The following CSMD1 variants were observed in gnomAD, a reference collection of about 807,000 sequenced individuals.
CSMD1 encodes the protein CUB and sushi domain-containing protein 1.
CSMD1 carries 213 observed loss-of-function variants against 417.5 expected under a neutral mutation model. The ratio of observed to expected loss-of-function variants is 0.51; its 90% CI spans 0.46 to 0.57. The LOEUF is 0.57. CSMD1 is among the 20% of genes least tolerant of loss of function. The pLI, the probability that CSMD1 is intolerant of heterozygous loss-of-function variation, is 0.00. For synonymous variants in CSMD1, 2,862 were observed against 1,736.8 expected (o/e 1.65, Z -16.11); for missense variants, 6,923 against 4,529.7 (o/e 1.53, Z -15.17).
chr8:4,514,008 T>G (rs1410040302), intron 2 of CSMD1, among the ~76,000 whole-genome samples: 1 of 152,202 alleles, frequency 6.6e-6, no homozygotes. Flanking sequence ...TCATTTGTGT[T>G]AGTCAGCTCA....
chr8:3,304,636 CAT>C (rs1401366313), intron 25 of CSMD1, among the ~76,000 whole-genome samples: 1 of 152,062 alleles, frequency 6.6e-6, no homozygotes, highest in Non-Finnish European at 1.5e-5. Context: ...GTGTGTACCT[CAT>C]ATTGAAATAT....
At chr8:3,607,097 T>G (rs964042274) in intron 8 of CSMD1, among the ~76,000 whole-genome samples, 2 of 152,162 alleles carry the variant, frequency 1.3e-5, no homozygotes, top group African/African-American at 2.4e-5. Context: ...ACAAAAGTGT[T>G]TTTTCTTAAT....
At chr8:4,085,322 G>A (rs1366071116) in intron 3 of CSMD1, among the ~76,000 whole-genome samples, 3 of 152,076 alleles carry the variant, frequency 2.0e-5, no homozygotes, top group Non-Finnish European at 2.9e-5. Flanking sequence ...GAAGCTTCTT[G>A]GAGTAAGACA....
chr8:4,097,908 G>C (rs967283631), intron 3 of CSMD1, among the ~76,000 whole-genome samples: 1 of 152,106 alleles, frequency 6.6e-6, no homozygotes, highest in Admixed American at 6.6e-5. Flanking sequence ...ACATTTGGAA[G>C]AAAAAGAGCA....
intron 3 of CSMD1, among the ~76,000 whole-genome samples, chr8:4,100,877 C>G (rs1458979889): frequency 6.6e-6 from 1 of 152,078 alleles, no homozygotes; most frequent in Non-Finnish European, 1.5e-5. Context: ...TGTTAGAAAG[C>G]CTCCATTTAT....
intron 10 of CSMD1, among the ~76,000 whole-genome samples, chr8:3,567,592 G>T (rs923456114): frequency 6.6e-6 from 1 of 151,366 alleles, no homozygotes; most frequent in African/African-American, 2.4e-5. Flanking sequence ...GGAAGGAAAG[G>T]GAGAAAGAAA....
At chr8:3,822,395 C>T (rs1197465211) in intron 5 of CSMD1, among the ~76,000 whole-genome samples, 1 of 152,166 alleles carries the variant, frequency 6.6e-6, no homozygotes, top group Non-Finnish European at 1.5e-5. Context: ...AAAAAAGAGT[C>T]TGAAACCTTG....
At chr8:3,471,562 C>T (rs1157050263) in intron 11 of CSMD1, among the ~76,000 whole-genome samples, 5 of 141,294 alleles carry the variant, frequency 3.5e-5, no homozygotes, top group Admixed American at 7.1e-5. Context: ...CTCTCCCTCC[C>T]TCCTTCCTTC....
At chr8:3,292,678 G>C (rs1164397384) in intron 25 of CSMD1, among the ~76,000 whole-genome samples, 1 of 152,038 alleles carries the variant, frequency 6.6e-6, no homozygotes, top group Non-Finnish European at 1.5e-5. Context: ...CCATTTGCTT[G>C]GTAGATCTTC....
chr8:3,892,189 A>G (rs531797801), intron 5 of CSMD1, among the ~76,000 whole-genome samples: 1 of 152,282 alleles, frequency 6.6e-6, no homozygotes, highest in African/African-American at 2.4e-5. Context: ...CCTGCTTCCA[A>G]TGTGTAGCCC....
At chr8:4,674,924 G>A (rs369008963) in intron 1 of CSMD1, among the ~76,000 whole-genome samples, 1 of 152,180 alleles carries the variant, frequency 6.6e-6, no homozygotes, top group African/African-American at 2.4e-5. Context: ...TATAAGAAGA[G>A]ATGCTAGAGA....
intron 23 of CSMD1, among the ~76,000 whole-genome samples, chr8:3,327,834 T>TTTCTC (rs1806633214): frequency 6.6e-6 from 1 of 152,202 alleles, no homozygotes; most frequent in Non-Finnish European, 1.5e-5. Flanking sequence ...CGGGTCCTCA[T>TTTCTC]TTCTCTTCAC....
intron 12 of CSMD1, among the ~76,000 whole-genome samples, chr8:3,417,632 G>T (rs1462648185): frequency 6.6e-6 from 1 of 151,962 alleles, no homozygotes; most frequent in Non-Finnish European, 1.5e-5. Flanking sequence ...CCAGAAATCA[G>T]TACATGCTTC....
At chr8:3,577,960 A>C (rs13248860) in intron 9 of CSMD1, among the ~76,000 whole-genome samples, 57,785 of 151,502 alleles carry the variant, frequency 0.38, 11,494 homozygotes, top group Middle Eastern at 0.45. Context: ...AGCTGTTGTG[A>C]TTTCTACCAG....
intron 3 of CSMD1, among the ~76,000 whole-genome samples, chr8:4,338,620 AT>A (rs1447128771): frequency 6.6e-6 from 1 of 152,152 alleles, no homozygotes. Context: ...AAATCTTTAA[AT>A]TAGGTCCATA....
intron 25 of CSMD1, among the ~76,000 whole-genome samples, chr8:3,295,389 G>A (rs553226339): frequency 6.6e-6 from 1 of 152,046 alleles, no homozygotes; most frequent in African/African-American, 2.4e-5. Flanking sequence ...GCCTCCCAAA[G>A]TGCTGGGATT....
intron 1 of CSMD1, among the ~76,000 whole-genome samples, chr8:4,954,440 T>C (rs1433001189): frequency 6.6e-6 from 1 of 152,204 alleles, no homozygotes; most frequent in Non-Finnish European, 1.5e-5. Flanking sequence ...CACAATTGTA[T>C]AGCTGACACC....
Position 3,586,074 on chromosome 8 carries a change from C to G in CSMD1, c.1222+62G>C, listed in dbSNP as rs1299059758. 3 of 1,544,584 alleles carry G rather than the reference C, an allele frequency of 1.9e-6. No homozygotes were observed. In the African/African-American group the frequency reaches 4.1e-5, roughly 21 times the overall value. The stretch of plus-strand genomic sequence containing the variant: ...ATGCTTCATGCTTAAATTGTATATT[C>G]ATAAAAATGCCAACCTTAAAGAAAG... On this transcript the variant is annotated intron_variant, in intron 9 of 69. Coordinates refer to ENST00000635120, the MANE Select transcript of CSMD1 (RefSeq NM_033225.6).
intron 3 of CSMD1, among the ~76,000 whole-genome samples, chr8:4,093,254 G>C (rs1284391544): frequency 7.7e-6 from 1 of 130,408 alleles, no homozygotes. Flanking sequence ...TGCTAATTAA[G>C]CTAAAAAATC....
Sources: allele counts gnomAD v4.1 joint callset (sites outside exome capture counted in the v4.1 genomes callset), GRCh38; gene constraint gnomAD v4.1.1; transcripts MANE v1.5; gene names NCBI Gene and HGNC (gene_info 2026-07-23, HGNC 2026-07-21).